Variants in NDUFS7 observed in about 807,000 individuals in gnomAD.
NDUFS7 encodes the protein NADH dehydrogenase [ubiquinone] iron-sulfur protein 7, mitochondrial.
A neutral mutation model predicts 31.1 loss-of-function variants in NDUFS7; 11 were observed. The ratio of observed to expected loss-of-function variants is 0.35; its 90% CI spans 0.22 to 0.59. The LOEUF (loss-of-function observed/expected upper bound fraction) is 0.59. Ranked by LOEUF, NDUFS7 falls within the 20% of genes least tolerant of loss-of-function variation. NDUFS7 has a pLI of 0.79. For missense variants in NDUFS7, 263 were observed against 324.2 expected (o/e 0.81, Z 1.45); for synonymous variants, 136 against 127.9 (o/e 1.06, Z -0.43).
intron 7 of NDUFS7, chr19:1,394,962 C>T (rs1023251894): frequency 1.1e-5 from 12 of 1,118,088 alleles, no homozygotes; most frequent in East Asian, 1.5e-4. Flanking sequence ...GTGGGATGCC[C>T]GGGCTCTGGG....
chr19:1,389,938 C>A, intron 4 of NDUFS7: 1 of 204,144 alleles, frequency 4.9e-6, no homozygotes, highest in East Asian at 1.4e-4. Flanking sequence ...GAGGCTCGCT[C>A]TGTCGCCCAG....
chr19:1,391,191 G>A (rs975401288), intron 6 of NDUFS7, 26 bp downstream of exon 6: 10 of 1,608,750 alleles, frequency 6.2e-6, no homozygotes, highest in Non-Finnish European at 8.5e-6. Context: ...GGGGTCTCCA[G>A]GGACAGACGT....
rs1456863082 is a variant in NDUFS7, at chr19:1,389,144, T to C, written c.228+206T>C. The C allele has an allele frequency of 2.8e-5, 20 of 703,142 alleles. No homozygotes were observed. In the East Asian group the frequency reaches 4.3e-4, roughly 15 times the overall value. 43.6% of individuals were successfully genotyped at this position (703,142 alleles called of 1,614,324 possible). On this transcript the variant is annotated intron_variant, in intron 4 of 7. Coordinates refer to ENST00000233627, the MANE Select transcript of NDUFS7 (RefSeq NM_024407.5). ...CACACTCACGCACACAATGCACATA[T>C]GCACACTCGCACACATGCACACTTG...
intron 4 of NDUFS7, chr19:1,389,398 C>T (rs1370127301): frequency 2.2e-6 from 1 of 461,516 alleles, no homozygotes; most frequent in Admixed American, 2.3e-5. Context: ...CACACAGGCA[C>T]ACTCACTGAT....
chr19:1,390,592 G>A (rs925346861), intron 4 of NDUFS7: 1 of 563,846 alleles, frequency 1.8e-6, no homozygotes, highest in African/African-American at 1.9e-5. Context: ...GCCCCCTGTT[G>A]AAATGGTGGG....
chr19:1,384,220 AT>A, intron 1 of NDUFS7: 1 of 487,718 alleles, frequency 2.1e-6, no homozygotes, highest in Admixed American at 4.3e-5. Context: ...GAGGGGCCCC[AT>A]TCACGTCCCC....
intron 2 of NDUFS7, 55 bp from the exon 3 acceptor site, chr19:1,388,470 G>A (rs1030871219): frequency 2.6e-6 from 4 of 1,512,298 alleles, no homozygotes; most frequent in Non-Finnish European, 3.7e-6. Context: ...GAGTGCGGCT[G>A]GGGGAGCTGG....
intron 7 of NDUFS7, chr19:1,395,165 C>T (rs2082587654): frequency 5.0e-6 from 7 of 1,413,954 alleles, no homozygotes; most frequent in South Asian, 4.6e-5. Flanking sequence ...GGATGAGCCA[C>T]GGGTGGAGGG....
chr19:1,384,917 C>T (rs933118979), intron 1 of NDUFS7, among the ~76,000 whole-genome samples: 1 of 152,136 alleles, frequency 6.6e-6, no homozygotes, highest in Non-Finnish European at 1.5e-5. Context: ...CAGGCTCAAG[C>T]GATTCTGGCA....
At chr19:1,394,991 C>T (rs576782636) in intron 7 of NDUFS7, 2 of 1,133,390 alleles carry the variant, frequency 1.8e-6, no homozygotes, top group African/African-American at 3.3e-5. Context: ...CCTCCCTCCG[C>T]CCAGCCTCCC....
chr19:1,384,937 C>T (rs2082497760), intron 1 of NDUFS7, among the ~76,000 whole-genome samples: 1 of 152,158 alleles, frequency 6.6e-6, no homozygotes, highest in Non-Finnish European at 1.5e-5. Context: ...ACTTCAGTGT[C>T]CTGTGTAGCT....
intron 1 of NDUFS7, chr19:1,387,002 C>G (rs1181699488): frequency 6.6e-6 from 1 of 152,346 alleles, no homozygotes; most frequent in Non-Finnish European, 1.5e-5. Context: ...TGGCAAGGCC[C>G]TGCTCTGGCC....
intron 4 of NDUFS7, 29 bp downstream of exon 4, chr19:1,388,967 C>G (rs562729616): frequency 4.5e-6 from 7 of 1,558,598 alleles, no homozygotes; most frequent in Non-Finnish European, 5.2e-6. Context: ...AGGCCCTCCT[C>G]GAGCGCCAGG....
At chr19:1,394,287 C>A in intron 7 of NDUFS7, 1 of 1,146,234 alleles carries the variant, frequency 8.7e-7, no homozygotes, top group Non-Finnish European at 1.2e-6. Context: ...CCTGGGCCTC[C>A]CTGTGACTTG....
chr19:1,394,871 A>G, intron 7 of NDUFS7: 1 of 1,126,506 alleles, frequency 8.9e-7, no homozygotes, highest in Non-Finnish European at 1.1e-6. Flanking sequence ...CTTTGTTCTG[A>G]ACCTGCGTGG....
In NDUFS7 at chr19:1,390,865, C is replaced by T; in HGVS notation, c.229-6C>T. 6 of 1,607,178 alleles carry T rather than the reference C, an allele frequency of 3.7e-6. No individual in the cohort carries two copies. Among genetic ancestry groups the T allele is most frequent in the Non-Finnish European group, 5.1e-6 (6 of 1,179,586 alleles). On this transcript the variant is annotated splice_polypyrimidine_tract_variant and splice_region_variant and intron_variant, in intron 4 of 7. Transcript: ENST00000233627. ...GTGGCGTCTGACCCGAGCCCGGCCT[C>T]CGCAGAGTTCTCTGTGGCCCATGAC...
At position 1,393,568 on chromosome 19, in the gene NDUFS7, G is replaced by C; in HGVS notation, c.544+238G>C. The C allele has an allele frequency of 6.2e-6, 4 of 645,228 alleles. No individual in the cohort carries two copies. The highest frequency in any genetic ancestry group is 1.1e-5 in the Non-Finnish European group (4 of 353,994). The allele number at this position is 645,228 out of a possible 1,614,324, so 40.0% of individuals were successfully genotyped here. A position where few individuals can be genotyped will look rare whatever the true frequency, so the allele number is the denominator to read the frequency against. On this transcript the variant is annotated intron_variant, in intron 7 of 7. Transcript: ENST00000233627. This position sits in a 1 kb window ranked among gnomAD's most constrained non-coding sequence, Gnocchi z 7.3. Reference sequence around the variant, plus strand: ...GCAGGGGAAGCTGAGTGGAATTCCTGACACACGCCTGGTTTACAGCAGTTT... The same window carrying C: ...GCAGGGGAAGCTGAGTGGAATTCCTCACACACGCCTGGTTTACAGCAGTTT...
chr19:1,390,825 C>T lies in NDUFS7; in HGVS notation c.229-46C>T, dbSNP rs370741253. On this transcript the variant is annotated intron_variant, in intron 4 of 7. Coordinates refer to ENST00000233627, the MANE Select transcript of NDUFS7 (RefSeq NM_024407.5). ...CCACGTGGAGTCTCACGCTGGGCCACGCGGGGCTCCGGGGGTGGCGTCTGA... is the reference window on the plus strand; with the variant it reads ...CCACGTGGAGTCTCACGCTGGGCCATGCGGGGCTCCGGGGGTGGCGTCTGA... 20 of 1,591,386 alleles carry T rather than the reference C, an allele frequency of 1.3e-5. No individual in the cohort carries two copies. The South Asian group carries it at 1.6e-4, about 12-fold the overall frequency.
At chr19:1,384,239 G>T in intron 1 of NDUFS7, 1 of 472,602 alleles carries the variant, frequency 2.1e-6, no homozygotes, top group Non-Finnish European at 3.7e-6. Context: ...CCCGAGACCA[G>T]GGCACGGCCC....
Sources: allele counts gnomAD v4.1 joint callset (sites outside exome capture counted in the v4.1 genomes callset), GRCh38; gene constraint gnomAD v4.1.1; non-coding constraint Gnocchi (gnomAD v3.1); transcripts MANE v1.5; gene names NCBI Gene and HGNC (gene_info 2026-07-23, HGNC 2026-07-21).